ARHGAP15: variants seen among roughly 807,000 people sequenced by gnomAD.
The protein encoded by ARHGAP15 is rho GTPase-activating protein 15.
Under a neutral mutation model 63.7 loss-of-function variants are expected in ARHGAP15, and 51 were observed. The observed-to-expected ratio is 0.80, with a 90% CI of 0.64 to 1.01. The LOEUF is 1.01. Among genes scored for constraint, ARHGAP15 ranks in the 50% least tolerant of loss-of-function variants. The pLI, the probability that ARHGAP15 is intolerant of heterozygous loss-of-function variation, is 0.00. For missense variants in ARHGAP15, 560 were observed against 564.6 expected (o/e 0.99, Z 0.08); for synonymous variants, 191 against 193.8 (o/e 0.99, Z 0.12).
intron 10 of ARHGAP15, among the ~76,000 whole-genome samples, chr2:143,542,821 A>G (rs1200650461): frequency 1.6e-5 from 2 of 121,448 alleles, no homozygotes; most frequent in African/African-American, 5.9e-5. Flanking sequence ...TATGATATAT[A>G]TAATATCACA....
chr2:143,139,090 C>T (rs541470599), intron 1 of ARHGAP15, among the ~76,000 whole-genome samples: 3 of 152,062 alleles, frequency 2.0e-5, no homozygotes, highest in African/African-American at 7.2e-5. Flanking sequence ...CTATCTTTAG[C>T]CTTGGTGTCT....
At chr2:143,330,204 T>G (rs913734868) in intron 6 of ARHGAP15, among the ~76,000 whole-genome samples, 2 of 149,662 alleles carry the variant, frequency 1.3e-5, no homozygotes, top group African/African-American at 4.9e-5. Context: ...ATGTTTAGTG[T>G]TTATTTGTCA....
intron 5 of ARHGAP15, chr2:143,235,868 C>T: frequency 6.9e-7 from 1 of 1,452,752 alleles, no homozygotes. Flanking sequence ...ATTTTAGTAT[C>T]AGTGAAGTAT....
intron 4 of ARHGAP15, among the ~76,000 whole-genome samples, chr2:143,218,494 C>A (rs936106240): frequency 1.3e-5 from 2 of 151,646 alleles, no homozygotes; most frequent in Admixed American, 1.3e-4. Context: ...AACTCATTCT[C>A]CATATATATC....
chr2:143,709,001 T>G (rs1032047814), intron 13 of ARHGAP15, among the ~76,000 whole-genome samples: 16 of 152,332 alleles, frequency 1.1e-4, no homozygotes, highest in Non-Finnish European at 2.4e-4. Context: ...ACCTGGAATC[T>G]TATCAACTAC....
intron 1 of ARHGAP15, among the ~76,000 whole-genome samples, chr2:143,147,828 A>T (rs1387785634): frequency 6.6e-6 from 1 of 152,034 alleles, no homozygotes; most frequent in Non-Finnish European, 1.5e-5. Flanking sequence ...CATAAGATTA[A>T]TGTTTACAAA....
chr2:143,750,028 TG>T (rs1005688639), intron 13 of ARHGAP15, among the ~76,000 whole-genome samples: 2 of 152,236 alleles, frequency 1.3e-5, no homozygotes, highest in African/African-American at 4.8e-5. Flanking sequence ...AGAATCTCTG[TG>T]CAATTCCTTT....
intron 6 of ARHGAP15, among the ~76,000 whole-genome samples, chr2:143,386,889 C>A (rs1687310008): frequency 6.6e-6 from 1 of 151,776 alleles, no homozygotes; most frequent in Non-Finnish European, 1.5e-5. Context: ...TTATCCTTAG[C>A]AAACTAATGC....
intron 2 of ARHGAP15, among the ~76,000 whole-genome samples, chr2:143,173,679 A>G (rs965886384): frequency 6.6e-6 from 1 of 152,120 alleles, no homozygotes; most frequent in African/African-American, 2.4e-5. Context: ...TTTATTTTTC[A>G]TTTACAGTTT....
At chr2:143,531,151 A>C (rs1049086369) in intron 10 of ARHGAP15, among the ~76,000 whole-genome samples, 1 of 121,068 alleles carries the variant, frequency 8.3e-6, no homozygotes, top group African/African-American at 3.1e-5. Flanking sequence ...CTGTTCTGGA[A>C]GGTAGCTTTA....
At chr2:143,608,825 CT>C (rs1248020258) in intron 11 of ARHGAP15, 1 of 152,118 alleles carries the variant, frequency 6.6e-6, no homozygotes, top group African/African-American at 2.4e-5. Context: ...ATTTTTAAAG[CT>C]TTGAATTTCC....
chr2:143,529,933 G>A (rs748009061), intron 10 of ARHGAP15, among the ~76,000 whole-genome samples: 2 of 152,082 alleles, frequency 1.3e-5, no homozygotes, highest in Non-Finnish European at 2.9e-5. Context: ...GAGTCCTTGA[G>A]TCTAGGAATT....
At chr2:143,331,647 C>T (rs186209794) in intron 6 of ARHGAP15, among the ~76,000 whole-genome samples, 172 of 152,082 alleles carry the variant, frequency 1.1e-3, no homozygotes, top group African/African-American at 3.6e-3. Flanking sequence ...ATATCTCTTT[C>T]CAAAAGAAAT....
At chr2:143,272,914 A>G (rs1351587203) in intron 6 of ARHGAP15, among the ~76,000 whole-genome samples, 1 of 152,140 alleles carries the variant, frequency 6.6e-6, no homozygotes, top group African/African-American at 2.4e-5. Flanking sequence ...ATTTAACTCT[A>G]TATGATGGAA....
intron 9 of ARHGAP15, among the ~76,000 whole-genome samples, chr2:143,514,613 A>G (rs1466735518): frequency 6.6e-6 from 1 of 152,176 alleles, no homozygotes; most frequent in Non-Finnish European, 1.5e-5. Flanking sequence ...TGAGTAAGCT[A>G]TTGCTACATG....
chr2:143,684,587 C>T (rs1396955509), intron 12 of ARHGAP15, among the ~76,000 whole-genome samples: 1 of 152,126 alleles, frequency 6.6e-6, no homozygotes, highest in African/African-American at 2.4e-5. Context: ...GCCCAGAGAC[C>T]TTCAGTTAAT....
intron 9 of ARHGAP15, among the ~76,000 whole-genome samples, chr2:143,501,146 G>A (rs1478688820): frequency 6.6e-6 from 1 of 152,164 alleles, no homozygotes; most frequent in Admixed American, 6.5e-5. Context: ...GATATCTTGA[G>A]GATATCTTAA....
chr2:143,544,062 T>A (rs1293456136), intron 10 of ARHGAP15, among the ~76,000 whole-genome samples: 4 of 152,180 alleles, frequency 2.6e-5, no homozygotes, highest in African/African-American at 9.6e-5. Flanking sequence ...CAAAAGCCAA[T>A]GGTATAAATT....
In ARHGAP15 at chr2:143,165,958, G is replaced by GAA. The variant is rs1558787539; in HGVS notation, c.165+10304_165+10305insAA. On this transcript the variant is annotated intron_variant, in intron 2 of 13. Transcript: ENST00000295095. Reference sequence around the variant, plus strand: ...GAAAAGAAAAGAAGAAAGAAAGAAAGAGAGAAAGAAAGAAAGAAAGAAAGA... The same window carrying GAA: ...GAAAAGAAAAGAAGAAAGAAAGAAAGAAAGAGAAAGAAAGAAAGAAAGAAAGA... Among the ~76,000 whole-genome samples, 170 of 109,396 alleles carry GAA rather than the reference G, an allele frequency of 1.6e-3. 1 individual carries two copies. The highest frequency in any genetic ancestry group is 5.5e-3 in the African/African-American group (158 of 28,888). 71.8% of individuals were successfully genotyped at this position (109,396 alleles called of 152,430 possible). A position where few individuals can be genotyped will look rare whatever the true frequency, so the allele number is the denominator to read the frequency against.
Sources: allele counts gnomAD v4.1 joint callset (sites outside exome capture counted in the v4.1 genomes callset), GRCh38; gene constraint gnomAD v4.1.1; transcripts MANE v1.5; gene names NCBI Gene and HGNC (gene_info 2026-07-23, HGNC 2026-07-21).